Variants in SPSB4 observed in about 807,000 individuals in gnomAD.
SPSB4 encodes SPRY domain-containing SOCS box protein 4.
In SPSB4, 21 loss-of-function variants were observed where a neutral mutation model predicts 20.9. That is an observed-to-expected ratio of 1.01 (90% CI 0.71 to 1.45). The LOEUF (loss-of-function observed/expected upper bound fraction) is 1.45. Among genes scored for constraint, SPSB4 ranks in the 40% most tolerant of loss-of-function variants. SPSB4 has a pLI of 0.00. For missense variants in SPSB4, 399 were observed against 399.2 expected, an observed-to-expected ratio of 1.00 and a Z score of 0.00; for synonymous variants, 207 against 183.8, an observed-to-expected ratio of 1.13 and a Z score of -1.02.
In SPSB4 at chr3:141,145,372, C is replaced by T. The variant is rs74485564; in HGVS notation, c.695-1770C>T. 9.1e-3 allele frequency among the ~76,000 whole-genome samples: 1,377 copies of T among 152,118 alleles called. 15 individuals are homozygous for T. Among genetic ancestry groups the T allele is most frequent in the African/African-American group, 0.026 (1,080 of 41,484 alleles). ...AGCTTCCAAAGCATGCTCCCCAAGC[C>T]CCACTTTAATTTTAATGGCTCCCCT... On this transcript the variant is annotated intron_variant, in intron 2 of 2. Transcript: ENST00000310546.
At chr3:141,078,815 A>G (rs975428498) in intron 2 of SPSB4, among the ~76,000 whole-genome samples, 3 of 152,142 alleles carry the variant, frequency 2.0e-5, no homozygotes, top group African/African-American at 7.2e-5. Context: ...TGCACCCTCA[A>G]GATTGTGTAG....
intron 2 of SPSB4, among the ~76,000 whole-genome samples, chr3:141,117,584 T>C (rs113535216): frequency 0.023 from 3,575 of 152,300 alleles, 133 homozygotes; most frequent in African/African-American, 0.082. Flanking sequence ...ATGTGCCATG[T>C]TGGTTTGCTG....
At position 141,141,416 on chromosome 3, in the gene SPSB4, C is replaced by T. The variant is rs146172762; in HGVS notation, c.695-5726C>T. The stretch of plus-strand genomic sequence containing the variant: ...AAATGCAGAAATCACCCATCTTCTG[C>T]ATCGCTCACGCTGGGAGTTGTAGAC... On this transcript the variant is annotated intron_variant, in intron 2 of 2. Transcript: ENST00000310546. 3.8e-3 allele frequency among the ~76,000 whole-genome samples: 584 copies of T among 152,350 alleles called. 5 individuals are homozygous for T. Among genetic ancestry groups the T allele is most frequent in the Admixed American group, 5.0e-3 (76 of 15,308 alleles).
At chr3:141,091,798 G>A (rs558416931) in intron 2 of SPSB4, among the ~76,000 whole-genome samples, 1 of 152,334 alleles carries the variant, frequency 6.6e-6, no homozygotes, top group African/African-American at 2.4e-5. Context: ...GGTACCAGGG[G>A]CCCGGGTTCA....
intron 2 of SPSB4, among the ~76,000 whole-genome samples, chr3:141,095,833 T>G (rs1296657497): frequency 6.6e-6 from 1 of 152,054 alleles, no homozygotes; most frequent in Non-Finnish European, 1.5e-5. Context: ...GGATCCAGAC[T>G]CAATGGAGAG....
chr3:141,088,589 C>A (rs547337150), intron 2 of SPSB4, among the ~76,000 whole-genome samples: 1 of 152,282 alleles, frequency 6.6e-6, no homozygotes, highest in East Asian at 1.9e-4. Context: ...CCGGGATGTG[C>A]AGGGGAGTTA....
In SPSB4 at chr3:141,107,374, C is replaced by A. The variant is rs537159061; in HGVS notation, c.695-39768C>A. Among the ~76,000 whole-genome samples the A allele has an allele frequency of 4.6e-5, 7 of 151,636 alleles. No individual in the cohort carries two copies. In the East Asian group the frequency reaches 1.3e-3, roughly 29 times the overall value. The stretch of plus-strand genomic sequence containing the variant: ...CTGGAAAGGTGTGTTCATAGGAATG[C>A]AAAAGGCTTAGGAAAAAAATAAATA... On this transcript the variant is annotated intron_variant, in intron 2 of 2. Coordinates refer to ENST00000310546, the MANE Select transcript of SPSB4 (RefSeq NM_080862.3).
At chr3:141,143,252 C>T (rs1190723162) in intron 2 of SPSB4, among the ~76,000 whole-genome samples, 2 of 152,134 alleles carry the variant, frequency 1.3e-5, no homozygotes, top group African/African-American at 4.8e-5. Context: ...TATGTGAGTT[C>T]TTGTGTGCTA....
intron 2 of SPSB4, among the ~76,000 whole-genome samples, chr3:141,074,107 C>T (rs1308908636): frequency 1.3e-5 from 2 of 152,152 alleles, no homozygotes; most frequent in Non-Finnish European, 2.9e-5. Flanking sequence ...CAAGCATCAC[C>T]GTGGGCCACA....
chr3:141,127,708 A>G (rs1939070376), intron 2 of SPSB4, among the ~76,000 whole-genome samples: 1 of 152,010 alleles, frequency 6.6e-6, no homozygotes, highest in African/African-American at 2.4e-5. Flanking sequence ...GCCATTTGCC[A>G]CTCTGATGGA....
At chr3:141,089,897 C>T (rs989621472) in intron 2 of SPSB4, among the ~76,000 whole-genome samples, 3 of 152,086 alleles carry the variant, frequency 2.0e-5, no homozygotes, top group Admixed American at 2.0e-4. Flanking sequence ...TTTAGAATTG[C>T]TTTTTTTGTT....
chr3:141,131,851 A>G (rs1939136251), intron 2 of SPSB4, among the ~76,000 whole-genome samples: 1 of 152,180 alleles, frequency 6.6e-6, no homozygotes, highest in Non-Finnish European at 1.5e-5. Context: ...TTTACCCAGG[A>G]GATTCAGCAG....
intron 2 of SPSB4, among the ~76,000 whole-genome samples, chr3:141,110,494 G>A (rs577380595): frequency 6.6e-6 from 1 of 152,302 alleles, no homozygotes; most frequent in African/African-American, 2.4e-5. Context: ...AACTATACCA[G>A]TCAGGATAGC....
intron 2 of SPSB4, among the ~76,000 whole-genome samples, chr3:141,098,971 G>A (rs1273194798): frequency 6.6e-6 from 1 of 152,146 alleles, no homozygotes; most frequent in Non-Finnish European, 1.5e-5. Context: ...ACATGAAAAA[G>A]AGACCAGATG....
chr3:141,093,100 T>A (rs1021544605), intron 2 of SPSB4, among the ~76,000 whole-genome samples: 2 of 152,034 alleles, frequency 1.3e-5, no homozygotes, highest in East Asian at 3.9e-4. Context: ...AGGAGCCCTA[T>A]ACCTGGATGG....
rs184470634 is a variant in SPSB4, at chr3:141,070,363, C to T, written c.694+3565C>T. ...CATTTGTTTTCTAGAGACAGAATCT[C>T]ACCCTGTCACCCAGGCTGGAGTGCG... is the stretch of plus-strand genomic sequence containing the variant. On this transcript the variant is annotated intron_variant, in intron 2 of 2. Transcript: ENST00000310546. Among the ~76,000 whole-genome samples, 572 of 152,168 alleles carry T rather than the reference C, an allele frequency of 3.8e-3. 6 individuals carry two copies. Among genetic ancestry groups the T allele is most frequent in the African/African-American group, 0.013 (546 of 41,510 alleles).
At chr3:141,108,855 C>A (rs575183510) in intron 2 of SPSB4, among the ~76,000 whole-genome samples, 1 of 152,178 alleles carries the variant, frequency 6.6e-6, no homozygotes, top group Non-Finnish European at 1.5e-5. Context: ...CCGAAAGCAG[C>A]ATTTCAGGGG....
intron 1 of SPSB4, among the ~76,000 whole-genome samples, chr3:141,058,803 C>T (rs1372940101): frequency 6.6e-6 from 1 of 152,174 alleles, no homozygotes; most frequent in Non-Finnish European, 1.5e-5. Context: ...CTGGATACAG[C>T]CAAGAGTCAG....
intron 2 of SPSB4, among the ~76,000 whole-genome samples, chr3:141,098,001 G>A (rs1433034808): frequency 2.0e-5 from 3 of 152,134 alleles, no homozygotes; most frequent in Non-Finnish European, 2.9e-5. Flanking sequence ...AGACATCTAA[G>A]GTCACATGGG....
Sources: gnomAD v4.1 joint callset for allele counts (sites outside exome capture counted in the v4.1 genomes callset) on GRCh38, gnomAD v4.1.1 for gene constraint, MANE v1.5 for transcripts, NCBI Gene and HGNC (gene_info 2026-07-23, HGNC 2026-07-21) for gene names.